Variants in SGCZ observed in about 807,000 individuals in gnomAD.
The protein encoded by SGCZ is sarcoglycan zeta.
Under a neutral mutation model 41.3 loss-of-function variants are expected in SGCZ, and 40 were observed. The ratio of observed to expected loss-of-function variants is 0.97; its 90% confidence interval spans 0.75 to 1.26. The LOEUF (loss-of-function observed/expected upper bound fraction) is 1.26, where lower values mean the gene tolerates loss of function less well. Among genes scored for constraint, SGCZ ranks in the 50% most tolerant of loss-of-function variants. SGCZ has a pLI of 0.00. For synonymous variants in SGCZ, 206 were observed against 137.5 expected, an observed-to-expected ratio of 1.50 and a Z score of -3.49; for missense variants, 552 against 369.8, an observed-to-expected ratio of 1.49 and a Z score of -4.04.
chr8:14,443,970 A>G (rs541374148), intron 2 of SGCZ, among the ~76,000 whole-genome samples: 1 of 152,300 alleles, frequency 6.6e-6, no homozygotes, highest in Admixed American at 6.5e-5. Flanking sequence ...TACAAGAAAC[A>G]AACAAACAAC....
intron 1 of SGCZ, among the ~76,000 whole-genome samples, chr8:14,620,866 T>G (rs1366502815): frequency 6.6e-6 from 1 of 152,184 alleles, no homozygotes; most frequent in Non-Finnish European, 1.5e-5. Context: ...TGAACCATTG[T>G]GGAAGACAGT....
chr8:14,852,644 T>A (rs1563315904), intron 1 of SGCZ, among the ~76,000 whole-genome samples: 2 of 152,192 alleles, frequency 1.3e-5, no homozygotes, highest in Admixed American at 6.5e-5. Context: ...ATGCCTATAG[T>A]CTCCCCTACA....
Position 14,912,248 on chromosome 8 carries a change from G to A in SGCZ, c.39+325337C>T, listed in dbSNP as rs183925158. Among the ~76,000 whole-genome samples the A allele has an allele frequency of 2.9e-3, 439 of 152,040 alleles. 1 individual carries two copies. The highest frequency in any genetic ancestry group is 5.2e-3 in the Non-Finnish European group (351 of 67,864). On this transcript the variant is annotated intron_variant, in intron 1 of 7. Coordinates refer to ENST00000382080, the MANE Select transcript of SGCZ (RefSeq NM_139167.4). The stretch of plus-strand genomic sequence containing the variant: ...TAAGAGACAGACCCACCTTGCTCTG[G>A]CTTGACTTAATGACTCAAATGCAAA...
At chr8:14,296,841 C>G (rs994163086) in intron 3 of SGCZ, among the ~76,000 whole-genome samples, 1 of 151,906 alleles carries the variant, frequency 6.6e-6, no homozygotes, top group Non-Finnish European at 1.5e-5. Context: ...AAGATACTAG[C>G]CCAAGCATAT....
At chr8:15,093,562 A>C (rs541745829) in intron 1 of SGCZ, among the ~76,000 whole-genome samples, 3 of 152,196 alleles carry the variant, frequency 2.0e-5, no homozygotes, top group Non-Finnish European at 4.4e-5. Flanking sequence ...CAGGAAAAAC[A>C]AAGTCATGTA....
chr8:15,081,141 T>C (rs1183227053), intron 1 of SGCZ, among the ~76,000 whole-genome samples: 1 of 152,198 alleles, frequency 6.6e-6, no homozygotes, highest in East Asian at 1.9e-4. Context: ...TCATATAGTA[T>C]GCTTCTCAAA....
At chr8:14,943,994 T>C (rs1800362648) in intron 1 of SGCZ, among the ~76,000 whole-genome samples, 1 of 152,178 alleles carries the variant, frequency 6.6e-6, no homozygotes, top group Non-Finnish European at 1.5e-5. Context: ...CCATTTTCTT[T>C]ATCCAGTCTA....
chr8:14,997,717 T>C (rs181610958), intron 1 of SGCZ, among the ~76,000 whole-genome samples: 86 of 152,284 alleles, frequency 5.6e-4, no homozygotes, highest in African/African-American at 1.9e-3. Context: ...CCCAGCACTT[T>C]TGGAGGCCAA....
intron 1 of SGCZ, among the ~76,000 whole-genome samples, chr8:14,562,128 T>C (rs1056396237): frequency 6.6e-6 from 1 of 152,132 alleles, no homozygotes; most frequent in Admixed American, 6.5e-5. Flanking sequence ...ATTTTTTACC[T>C]TAGTCCCTTG....
intron 1 of SGCZ, among the ~76,000 whole-genome samples, chr8:14,691,901 TG>T (rs1319189458): frequency 6.6e-6 from 1 of 152,030 alleles, no homozygotes; most frequent in African/African-American, 2.4e-5. Flanking sequence ...TTACAAATTT[TG>T]TATCTATATA....
chr8:14,920,382 T>C (rs1293079954), intron 1 of SGCZ, among the ~76,000 whole-genome samples: 2 of 152,204 alleles, frequency 1.3e-5, no homozygotes, highest in Non-Finnish European at 2.9e-5. Context: ...AGACAACCTG[T>C]TCAAATGCAC....
rs150698313 is a variant in SGCZ, at chr8:14,294,820, T to G, written c.336+29283A>C. Among the ~76,000 whole-genome samples, 48 of 152,156 alleles carry G rather than the reference T, an allele frequency of 3.2e-4. No homozygotes were observed. In the East Asian group the frequency reaches 8.5e-3, roughly 27 times the overall value. On this transcript the variant is annotated intron_variant, in intron 3 of 7. Coordinates refer to ENST00000382080, the MANE Select transcript of SGCZ (RefSeq NM_139167.4). The stretch of plus-strand genomic sequence containing the variant: ...TCACATAAACATATGAAATCGCTGT[T>G]AGATGTAGGGAAAATGCAAATTAAA...
At chr8:14,905,884 T>C (rs1392841512) in intron 1 of SGCZ, among the ~76,000 whole-genome samples, 1 of 151,894 alleles carries the variant, frequency 6.6e-6, no homozygotes, top group Non-Finnish European at 1.5e-5. Flanking sequence ...TATACACACA[T>C]ACACCTATGT....
chr8:15,061,503 C>T (rs556926876), intron 1 of SGCZ, among the ~76,000 whole-genome samples: 20 of 148,326 alleles, frequency 1.3e-4, no homozygotes, highest in Admixed American at 1.1e-3. Context: ...GCACGTTCTG[C>T]ACATGTATCC....
chr8:14,669,686 TTG>T (rs1343768392), intron 1 of SGCZ, among the ~76,000 whole-genome samples: 2 of 111,082 alleles, frequency 1.8e-5, no homozygotes, highest in Admixed American at 1.1e-4. Flanking sequence ...ATATTCCATT[TTG>T]TGTATACACA....
At chr8:14,366,704 C>T (rs1234218024) in intron 2 of SGCZ, among the ~76,000 whole-genome samples, 1 of 152,154 alleles carries the variant, frequency 6.6e-6, no homozygotes, top group Non-Finnish European at 1.5e-5. Flanking sequence ...CCCAACAATT[C>T]CCTGAAGTGT....
At chr8:14,491,981 TATAA>T (rs1801855186) in intron 2 of SGCZ, among the ~76,000 whole-genome samples, 1 of 152,196 alleles carries the variant, frequency 6.6e-6, no homozygotes, top group African/African-American at 2.4e-5. Context: ...ACGACTTAGA[TATAA>T]ATAGTTATGA....
chr8:14,127,234 C>T (rs1802889529), intron 5 of SGCZ, among the ~76,000 whole-genome samples: 1 of 151,972 alleles, frequency 6.6e-6, no homozygotes, highest in Non-Finnish European at 1.5e-5. Flanking sequence ...GGTCTGGTTC[C>T]CGTTCTGCCA....
Position 14,090,499 on chromosome 8 carries a change from G to C in SGCZ, c.883C>G (p.Pro295Ala). 6.8e-6 allele frequency: 11 copies of C among 1,613,080 alleles called. No homozygotes were observed. The highest frequency in any genetic ancestry group is 9.3e-6 in the Non-Finnish European group (11 of 1,179,388). Residue 295 changes from proline (P) to alanine (A), a missense_variant, in exon 8 of 8, where the codon CCA (proline) becomes GCA (alanine). By Grantham distance (27) the Pro-to-Ala change is conservative. Coordinates refer to ENST00000382080, the MANE Select transcript of SGCZ (RefSeq NM_139167.4). ...VCPNGKLYLS[P>A]AGVGSTCQSS... ...TGACAAGTGGAACCTACTCCTGCTG[G>C]AGAAAGGTAAAGTTTGCCATTGGGG...
Sources: allele counts gnomAD v4.1 joint callset (sites outside exome capture counted in the v4.1 genomes callset), GRCh38; gene constraint gnomAD v4.1.1; transcripts MANE v1.5; gene names NCBI Gene and HGNC (gene_info 2026-07-23, HGNC 2026-07-21).